The following KIF21A variants were observed in gnomAD, a reference collection of about 807,000 sequenced individuals.
KIF21A encodes kinesin-like protein KIF21A.
Under a neutral mutation model 202.9 loss-of-function variants are expected in KIF21A, and 114 were observed. The ratio of observed to expected loss-of-function variants is 0.56; its 90% CI spans 0.48 to 0.66. The LOEUF (loss-of-function observed/expected upper bound fraction) is 0.66, where lower values mean the gene tolerates loss of function less well. Among genes scored for constraint, KIF21A ranks in the 30% least tolerant of loss-of-function variants. KIF21A has a pLI of 0.00. For missense variants in KIF21A, 1,677 were observed against 1,994.9 expected (o/e 0.84, Z 3.04); for synonymous variants, 667 against 670.8 (o/e 0.99, Z 0.09).
intron 11 of KIF21A, among the ~76,000 whole-genome samples, chr12:39,347,546 T>A (rs553847048): frequency 6.6e-6 from 1 of 152,062 alleles, no homozygotes; most frequent in African/African-American, 2.4e-5. Flanking sequence ...AGTTATTTTA[T>A]CAAGCCAGTT....
At chr12:39,362,782 C>T (rs1264426747) in intron 7 of KIF21A, among the ~76,000 whole-genome samples, 1 of 152,038 alleles carries the variant, frequency 6.6e-6, no homozygotes, top group Non-Finnish European at 1.5e-5. Flanking sequence ...ACAGAAGCTA[C>T]GATAAGAGAG....
At position 39,320,024 on chromosome 12, in the gene KIF21A, A is replaced by C. The variant is rs989252416; in HGVS notation, c.3672-11T>G. ...GATGACTGCCTGGAACTAAAGTAAA[A>C]GAAGATTCTTTAATTACCTAATTCT... On this transcript the variant is annotated splice_polypyrimidine_tract_variant and intron_variant, in intron 27 of 37. Transcript: ENST00000361418. 1.3e-6 allele frequency: 2 copies of C among 1,492,450 alleles called. No homozygotes were observed. The highest frequency in any genetic ancestry group is 2.8e-5 in the African/African-American group (2 of 72,620). The allele number at this position is 1,492,450 out of a possible 1,614,324, so 92.5% of individuals were successfully genotyped here. A position where few individuals can be genotyped will look rare whatever the true frequency, so the allele number is the denominator to read the frequency against.
At chr12:39,355,707 T>TTATACATATATATATATATATA (rs1555172725) in intron 10 of KIF21A, among the ~76,000 whole-genome samples, 38 of 101,224 alleles carry the variant, frequency 3.8e-4, no homozygotes, top group African/African-American at 1.7e-3. Flanking sequence ...GCATGAACAA[T>TTATACATATATATATATATATA]TATATATATA....
chr12:39,384,425 G>A (rs1392674182), intron 1 of KIF21A, among the ~76,000 whole-genome samples: 1 of 152,076 alleles, frequency 6.6e-6, no homozygotes, highest in Non-Finnish European at 1.5e-5. Context: ...AGACAAGAAA[G>A]CTCGACAGAA....
chr12:39,379,830 C>T (rs1950500591), intron 1 of KIF21A, among the ~76,000 whole-genome samples: 1 of 152,232 alleles, frequency 6.6e-6, no homozygotes, highest in Non-Finnish European at 1.5e-5. Flanking sequence ...AACACTGCCT[C>T]ATCTCTTGTC....
At chr12:39,409,565 T>C (rs1952910404) in intron 1 of KIF21A, among the ~76,000 whole-genome samples, 2 of 148,110 alleles carry the variant, frequency 1.4e-5, no homozygotes, top group African/African-American at 5.0e-5. Context: ...TTACCAAAGA[T>C]GGAGAGGAAT....
At chr12:39,382,978 T>G (rs1181037396) in intron 1 of KIF21A, among the ~76,000 whole-genome samples, 3 of 152,214 alleles carry the variant, frequency 2.0e-5, no homozygotes, top group Non-Finnish European at 2.9e-5. Flanking sequence ...CAAACAGCAT[T>G]TCTCATACAA....
At chr12:39,333,476 A>G (rs561920571) in intron 17 of KIF21A, among the ~76,000 whole-genome samples, 196 bp from the exon 18 acceptor site, 1 of 152,258 alleles carries the variant, frequency 6.6e-6, no homozygotes, top group East Asian at 1.9e-4. Context: ...GATATACCCC[A>G]TCCCTTTTTG....
At chr12:39,335,387 G>A (rs1237955119) in intron 17 of KIF21A, among the ~76,000 whole-genome samples, 1 of 147,946 alleles carries the variant, frequency 6.8e-6, no homozygotes, top group Non-Finnish European at 1.5e-5. Context: ...CTCCAGCCTG[G>A]GCGACAAAGT....
At chr12:39,333,316 G>C (rs370931586) in intron 17 of KIF21A, 36 bp from the exon 18 acceptor site, 1 of 1,357,794 alleles carries the variant, frequency 7.4e-7, no homozygotes, top group African/African-American at 1.4e-5. Flanking sequence ...AAATAGTAAA[G>C]TGAAAGATAC....
chr12:39,364,844 C>T (rs559731498), intron 6 of KIF21A, among the ~76,000 whole-genome samples: 153 of 152,306 alleles, frequency 1.0e-3, no homozygotes, highest in African/African-American at 3.3e-3. Flanking sequence ...CAAACCTCTT[C>T]TTCCCTGGGG....
intron 1 of KIF21A, among the ~76,000 whole-genome samples, chr12:39,395,701 G>A (rs1055207045): frequency 9.2e-5 from 14 of 152,126 alleles, no homozygotes; most frequent in Non-Finnish European, 8.8e-5. Context: ...AACTAGACAG[G>A]CGTGGTTGCG....
At chr12:39,405,701 A>G (rs1245075599) in intron 1 of KIF21A, among the ~76,000 whole-genome samples, 1 of 152,206 alleles carries the variant, frequency 6.6e-6, no homozygotes, top group Non-Finnish European at 1.5e-5. Flanking sequence ...ATAAAGTTCC[A>G]AAACAAACCA....
Position 39,303,110 on chromosome 12 carries a change from A to G in KIF21A, c.4586T>C (p.Leu1529Pro), listed in dbSNP as rs1448038974. ...IKMFDVTEGA[L>P]GTVSPTHNFE... is the part of the protein sequence containing the mutation. Reference sequence around the variant, plus strand: ...ATTGTGGGTGGGACTCACAGTCCCAAGAGCTCCTTCTGTAACATCAAACAT... The same window carrying G: ...ATTGTGGGTGGGACTCACAGTCCCAGGAGCTCCTTCTGTAACATCAAACAT... Residue 1529 changes from leucine to proline, a missense_variant, in exon 36 of 38, where the codon CTT becomes CCT. Coordinates refer to ENST00000361418, the MANE Select transcript of KIF21A (RefSeq NM_001173464.2). 6.2e-7 allele frequency: 1 copy of G among 1,614,066 alleles called. No individual in the cohort carries two copies. Among genetic ancestry groups the G allele is most frequent in the Non-Finnish European group, 8.5e-7 (1 of 1,179,944 alleles).
At chr12:39,307,261 C>T (rs1232730343) in intron 34 of KIF21A, among the ~76,000 whole-genome samples, 1 of 152,076 alleles carries the variant, frequency 6.6e-6, no homozygotes, top group Non-Finnish European at 1.5e-5. Flanking sequence ...GGATGAGAAT[C>T]TTGACCTCTT....
At chr12:39,438,393 C>T (rs555207308) in intron 1 of KIF21A, among the ~76,000 whole-genome samples, 1 of 152,138 alleles carries the variant, frequency 6.6e-6, no homozygotes, top group Non-Finnish European at 1.5e-5. Flanking sequence ...TAACAGACTG[C>T]ACATGAAAAG....
chr12:39,384,328 A>C (rs1246397658), intron 1 of KIF21A, among the ~76,000 whole-genome samples: 1 of 152,216 alleles, frequency 6.6e-6, no homozygotes, highest in Non-Finnish European at 1.5e-5. Context: ...TGCCATTCCT[A>C]ATAACTTAGG....
chr12:39,414,452 A>C (rs1953371637), intron 1 of KIF21A, among the ~76,000 whole-genome samples: 1 of 152,220 alleles, frequency 6.6e-6, no homozygotes, highest in South Asian at 2.1e-4. Flanking sequence ...AAGAATTTAA[A>C]GCTCTAAATG....
intron 1 of KIF21A, among the ~76,000 whole-genome samples, chr12:39,440,299 T>C (rs1939379917): frequency 1.3e-5 from 2 of 152,144 alleles, no homozygotes; most frequent in Admixed American, 1.3e-4. Flanking sequence ...TTCCGCAGGG[T>C]TAATGGTTAA....
Sources: gnomAD v4.1 joint callset for allele counts (sites outside exome capture counted in the v4.1 genomes callset) on GRCh38, gnomAD v4.1.1 for gene constraint, MANE v1.5 for transcripts, NCBI Gene and HGNC (gene_info 2026-07-23, HGNC 2026-07-21) for gene names.